Variants in PCDH9 observed in about 807,000 individuals in gnomAD.
The protein encoded by PCDH9 is protocadherin 9.
A neutral mutation model predicts 70.6 loss-of-function variants in PCDH9; 24 were observed. The ratio of observed to expected loss-of-function variants is 0.34; its 90% confidence interval spans 0.25 to 0.48. PCDH9 has a LOEUF of 0.48. Among genes scored for constraint, PCDH9 ranks in the 20% least tolerant of loss-of-function variants. PCDH9 has a pLI of 0.99. For synonymous variants in PCDH9, 562 were observed against 558.5 expected, an observed-to-expected ratio of 1.01 and a Z score of -0.09; for missense variants, 1,281 against 1,503.6, an observed-to-expected ratio of 0.85 and a Z score of 2.45.
At chr13:66,974,815 G>T (rs1377110462) in intron 2 of PCDH9, among the ~76,000 whole-genome samples, 4 of 151,980 alleles carry the variant, frequency 2.6e-5, no homozygotes, top group Non-Finnish European at 4.4e-5. Flanking sequence ...GCTTTACAGT[G>T]AAATTTTATA....
chr13:66,868,583 A>G (rs1375724271), intron 3 of PCDH9, among the ~76,000 whole-genome samples: 1 of 152,134 alleles, frequency 6.6e-6, no homozygotes, highest in African/African-American at 2.4e-5. Context: ...CATACTATTT[A>G]TCTGTCATCA....
At chr13:66,989,671 G>A (rs1042976693) in intron 2 of PCDH9, among the ~76,000 whole-genome samples, 4 of 151,700 alleles carry the variant, frequency 2.6e-5, no homozygotes, top group Non-Finnish European at 1.5e-5. Context: ...CTGTGTACTT[G>A]TGAATTATTT....
intron 2 of PCDH9, among the ~76,000 whole-genome samples, chr13:67,047,282 C>T (rs969857273): frequency 1.3e-5 from 2 of 152,098 alleles, no homozygotes; most frequent in African/African-American, 2.4e-5. Flanking sequence ...AATGCATTTG[C>T]CATTCTTTTC....
intron 2 of PCDH9, chr13:66,996,387 T>C (rs1164289531): frequency 1.3e-5 from 2 of 152,112 alleles, no homozygotes; most frequent in African/African-American, 4.8e-5. Flanking sequence ...ATAGTTGGGA[T>C]TCTGAGTTCT....
At chr13:66,414,674 C>T (rs1275805485) in intron 4 of PCDH9, among the ~76,000 whole-genome samples, 1 of 152,128 alleles carries the variant, frequency 6.6e-6, no homozygotes, top group East Asian at 1.9e-4. Flanking sequence ...AAATGCGGAA[C>T]ATATGTTATT....
At chr13:67,109,617 A>G (rs1189844463) in intron 2 of PCDH9, among the ~76,000 whole-genome samples, 1 of 152,210 alleles carries the variant, frequency 6.6e-6, no homozygotes, top group African/African-American at 2.4e-5. Flanking sequence ...AAAAGTCTCT[A>G]TAAAAGTTTA....
At chr13:66,828,834 T>C (rs544197940) in intron 3 of PCDH9, among the ~76,000 whole-genome samples, 376 of 139,138 alleles carry the variant, frequency 2.7e-3, no homozygotes, top group Admixed American at 4.2e-3. Context: ...ATAATAATAA[T>C]AACAACAATG....
intron 4 of PCDH9, among the ~76,000 whole-genome samples, chr13:66,549,954 GA>G (rs1300952629): frequency 1.3e-5 from 2 of 151,806 alleles, no homozygotes; most frequent in Non-Finnish European, 2.9e-5. Flanking sequence ...TTCTTGAATA[GA>G]AAACAAACTT....
chr13:67,205,883 C>G (rs975220586), intron 2 of PCDH9: 2 of 152,178 alleles, frequency 1.3e-5, no homozygotes, highest in African/African-American at 2.4e-5. Context: ...CTCTCCAGTT[C>G]TCAGGTTTAA....
At chr13:66,451,553 A>G (rs1011860045) in intron 4 of PCDH9, among the ~76,000 whole-genome samples, 1 of 152,228 alleles carries the variant, frequency 6.6e-6, no homozygotes, top group Non-Finnish European at 1.5e-5. Flanking sequence ...AAGTCCTTTC[A>G]GTAATTATCA....
intron 3 of PCDH9, among the ~76,000 whole-genome samples, chr13:66,737,380 T>G (rs1326019153): frequency 6.6e-6 from 1 of 152,206 alleles, no homozygotes; most frequent in Non-Finnish European, 1.5e-5. Context: ...CTTTCAGAAC[T>G]TAATTAAAAG....
chr13:66,360,593 G>A (rs1470616096), intron 4 of PCDH9, among the ~76,000 whole-genome samples: 1 of 152,058 alleles, frequency 6.6e-6, no homozygotes, highest in Non-Finnish European at 1.5e-5. Context: ...TTCTTTTTAT[G>A]CTGGAATTCA....
At position 66,705,632 on chromosome 13, in the gene PCDH9, G is replaced by A. The variant is rs563555612; in HGVS notation, c.3139-74221C>T. Among the ~76,000 whole-genome samples, 23 of 152,136 alleles carry A rather than the reference G, an allele frequency of 1.5e-4. No homozygotes were observed. The South Asian group carries it at 3.7e-3, about 25-fold the overall frequency. Reference sequence around the variant, plus strand: ...TTTTCAAGCAAAGAAACCTCTTTTTGTTTGTGAAAATGTCACATAAAGTGA... The same window carrying A: ...TTTTCAAGCAAAGAAACCTCTTTTTATTTGTGAAAATGTCACATAAAGTGA... On this transcript the variant is annotated intron_variant, in intron 3 of 4. Transcript: ENST00000377865.
At chr13:66,717,793 TCAGAA>T (rs908644774) in intron 3 of PCDH9, among the ~76,000 whole-genome samples, 6 of 152,188 alleles carry the variant, frequency 3.9e-5, no homozygotes, top group East Asian at 1.9e-4. Context: ...GATCTGATTC[TCAGAA>T]CAGAACTTCC....
At chr13:66,660,301 G>C (rs941358601) in intron 3 of PCDH9, among the ~76,000 whole-genome samples, 3 of 151,950 alleles carry the variant, frequency 2.0e-5, no homozygotes, top group Non-Finnish European at 4.4e-5. Context: ...TTATTTCTTT[G>C]CCTTTTTTTT....
chr13:67,149,845 G>A (rs952887084), intron 2 of PCDH9, among the ~76,000 whole-genome samples: 4 of 151,936 alleles, frequency 2.6e-5, no homozygotes, highest in Non-Finnish European at 4.4e-5. Flanking sequence ...ATGTTTAATC[G>A]TTATGAACAC....
chr13:67,128,519 T>C (rs555153653), intron 2 of PCDH9, among the ~76,000 whole-genome samples: 1 of 152,188 alleles, frequency 6.6e-6, no homozygotes, highest in African/African-American at 2.4e-5. Flanking sequence ...GTTATGGCAG[T>C]TGGGTACCAC....
intron 2 of PCDH9, among the ~76,000 whole-genome samples, chr13:67,113,715 T>C (rs1367759789): frequency 6.6e-6 from 1 of 151,998 alleles, no homozygotes; most frequent in African/African-American, 2.4e-5. Flanking sequence ...GCCCGGCTAA[T>C]TTTTTGTATT....
chr13:66,330,396 T>C (rs1955922215), intron 4 of PCDH9, among the ~76,000 whole-genome samples: 2 of 152,244 alleles, frequency 1.3e-5, no homozygotes, highest in Non-Finnish European at 2.9e-5. Flanking sequence ...CAGCATGTCC[T>C]GCGGCCAAAT....
Sources: gnomAD v4.1 joint callset for allele counts (sites outside exome capture counted in the v4.1 genomes callset) on GRCh38, gnomAD v4.1.1 for gene constraint, MANE v1.5 for transcripts, NCBI Gene and HGNC (gene_info 2026-07-23, HGNC 2026-07-21) for gene names.